The following GABRR2 variants were observed in gnomAD, a reference collection of about 807,000 sequenced individuals.
GABRR2 encodes gamma-aminobutyric acid receptor subunit rho-2.
Under a neutral mutation model 47.0 loss-of-function variants are expected in GABRR2, and 36 were observed. The ratio of observed to expected loss-of-function variants is 0.77; its 90% CI spans 0.59 to 1.01. The LOEUF (loss-of-function observed/expected upper bound fraction) is 1.01. GABRR2 is among the 50% of genes least tolerant of loss of function. The pLI is 0.00. For synonymous variants in GABRR2, 204 were observed against 227.5 expected (o/e 0.90, Z 0.93); for missense variants, 587 against 594.6 (o/e 0.99, Z 0.13).
chr6:89,270,076 G>A (rs1774013144), intron 3 of GABRR2, among the ~76,000 whole-genome samples: 1 of 152,226 alleles, frequency 6.6e-6, no homozygotes, highest in Admixed American at 6.5e-5. Context: ...GATAGTGCAT[G>A]CATGAGAGTC....
chr6:89,257,829 C>T lies in GABRR2; in HGVS notation c.1239G>A (p.Leu413=). Residue 413 remains leucine, a synonymous_variant, in exon 9 of 9, where the codon CTG becomes CTA. Coordinates refer to ENST00000402938, the MANE Select transcript of GABRR2 (RefSeq NM_002043.5). ...TTCTGGCAGCGTTGGCTTCACCACT[C>T]AGGCCCAGGTGGACCACTATTTTGT... The part of the protein sequence containing the change: ...RQDKIVVHLG[L]SGEANAARKK... 3 of 1,614,100 alleles carry T rather than the reference C, an allele frequency of 1.9e-6. No individual in the cohort carries two copies. Among genetic ancestry groups the T allele is most frequent in the South Asian group, 1.1e-5 (1 of 91,088 alleles).
At chr6:89,277,504 A>G (rs2127838123) in intron 2 of GABRR2, among the ~76,000 whole-genome samples, 1 of 152,330 alleles carries the variant, frequency 6.6e-6, no homozygotes, top group South Asian at 2.1e-4. Flanking sequence ...CCCAATACAA[A>G]AACAAGCAAG....
At chr6:89,311,857 C>G (rs190533718) in intron 1 of GABRR2, among the ~76,000 whole-genome samples, 1 of 152,164 alleles carries the variant, frequency 6.6e-6, no homozygotes. Context: ...TGGCCACATA[C>G]GCTAGATGGC....
At chr6:89,288,889 C>G (rs939325285) in intron 2 of GABRR2, among the ~76,000 whole-genome samples, 1 of 152,192 alleles carries the variant, frequency 6.6e-6, no homozygotes, top group Admixed American at 6.5e-5. Context: ...TCAAGAGATC[C>G]GCCTCAGTCT....
intron 8 of GABRR2, among the ~76,000 whole-genome samples, chr6:89,262,089 C>A (rs1187727961): frequency 2.0e-5 from 3 of 152,036 alleles, no homozygotes. Context: ...ACCAACCAAC[C>A]CCTGGCCCCT....
At chr6:89,278,633 G>T (rs1315194007) in intron 2 of GABRR2, among the ~76,000 whole-genome samples, 1 of 152,130 alleles carries the variant, frequency 6.6e-6, no homozygotes, top group African/African-American at 2.4e-5. Context: ...AAGGTTGTGG[G>T]GTCCCCACAG....
At chr6:89,298,641 A>G (rs3777518) in intron 2 of GABRR2, among the ~76,000 whole-genome samples, 90,060 of 152,054 alleles carry the variant, frequency 0.59, 27,505 homozygotes, top group Admixed American at 0.7. Flanking sequence ...CCCCAAGAGG[A>G]GAGGAAAGTT....
intron 2 of GABRR2, among the ~76,000 whole-genome samples, chr6:89,298,964 G>C (rs9444685): frequency 0.59 from 89,973 of 151,990 alleles, 27,481 homozygotes; most frequent in Admixed American, 0.7. Flanking sequence ...TGGGCCCTCA[G>C]CACACATGGA....
intron 1 of GABRR2, chr6:89,302,922 C>T: frequency 2.6e-6 from 3 of 1,170,384 alleles, no homozygotes; most frequent in East Asian, 7.5e-5. Flanking sequence ...AGTTCACGGA[C>T]ATGTTCCAGC....
chr6:89,282,407 T>C (rs1774266499), intron 2 of GABRR2, among the ~76,000 whole-genome samples: 2 of 152,252 alleles, frequency 1.3e-5, no homozygotes, highest in African/African-American at 2.4e-5. Flanking sequence ...TCTGCCTTGA[T>C]GGCAGAAGTG....
At chr6:89,281,533 C>A (rs1774254843) in intron 2 of GABRR2, among the ~76,000 whole-genome samples, 1 of 152,164 alleles carries the variant, frequency 6.6e-6, no homozygotes, top group Admixed American at 6.5e-5. Flanking sequence ...GCAAGTAGAT[C>A]ATTCCCCCAC....
chr6:89,302,101 G>A (rs886145093), intron 1 of GABRR2: 10 of 621,014 alleles, frequency 1.6e-5, no homozygotes, highest in South Asian at 4.9e-5. Context: ...GTCACTACAC[G>A]GAGGGTGCGG....
At chr6:89,298,334 T>G (rs1332956465) in intron 2 of GABRR2, among the ~76,000 whole-genome samples, 1 of 152,216 alleles carries the variant, frequency 6.6e-6, no homozygotes, top group Non-Finnish European at 1.5e-5. Context: ...GTCTGGCAGC[T>G]GGGTTTTTCA....
intron 1 of GABRR2, chr6:89,302,169 A>G (rs1767459100): frequency 5.3e-6 from 3 of 568,974 alleles, no homozygotes; most frequent in South Asian, 4.8e-5. Flanking sequence ...GACGGTCTGT[A>G]GGGTTTCCAG....
At chr6:89,281,931 C>G (rs147782525) in intron 2 of GABRR2, among the ~76,000 whole-genome samples, 1 of 152,154 alleles carries the variant, frequency 6.6e-6, no homozygotes, top group African/African-American at 2.4e-5. Context: ...TCAGCACCCG[C>G]GTCTGCTTAC....
chr6:89,286,505 T>C (rs1774336673), intron 2 of GABRR2, among the ~76,000 whole-genome samples: 1 of 152,066 alleles, frequency 6.6e-6, no homozygotes. Context: ...TATCAAGGCA[T>C]CAAGTTGTAT....
chr6:89,297,917 G>A (rs912978), intron 2 of GABRR2, among the ~76,000 whole-genome samples: 1 of 152,190 alleles, frequency 6.6e-6, no homozygotes, highest in Non-Finnish European at 1.5e-5. Context: ...GCCACTGTAC[G>A]CCTCTATGCT....
intron 2 of GABRR2, among the ~76,000 whole-genome samples, chr6:89,279,374 CGT>C (rs142432844): frequency 2.0e-5 from 3 of 150,836 alleles, no homozygotes; most frequent in Admixed American, 6.6e-5. Flanking sequence ...AGTGTGCATG[CGT>C]GTGTGTGTGT....
At chr6:89,258,889 G>C (rs62416346) in intron 8 of GABRR2, among the ~76,000 whole-genome samples, 86,886 of 143,824 alleles carry the variant, frequency 0.6, 28,129 homozygotes, top group African/African-American at 0.82. Context: ...ATTATGCATT[G>C]AATGCATAAT....
Sources: allele counts gnomAD v4.1 joint callset (sites outside exome capture counted in the v4.1 genomes callset), GRCh38; gene constraint gnomAD v4.1.1; transcripts MANE v1.5; gene names NCBI Gene and HGNC (gene_info 2026-07-23, HGNC 2026-07-21).